The following KCTD16 variants were observed in gnomAD, a reference collection of about 807,000 sequenced individuals.
KCTD16 encodes BTB/POZ domain-containing protein KCTD16.
Under a neutral mutation model 33.2 loss-of-function variants are expected in KCTD16, and 13 were observed. That is an observed-to-expected ratio of 0.39 (90% CI 0.25 to 0.62). KCTD16 has a LOEUF of 0.62. Among genes scored for constraint, KCTD16 ranks in the 20% least tolerant of loss-of-function variants. The probability of loss-of-function intolerance (pLI) is 0.50; values close to 1 mark genes in which losing one functional copy is unlikely to be tolerated. For missense variants in KCTD16, 441 were observed against 525.1 expected (o/e 0.84, Z 1.57); for synonymous variants, 197 against 195.3 (o/e 1.01, Z -0.07).
chr5:144,218,510 G>T (rs1214552675), intron 3 of KCTD16, among the ~76,000 whole-genome samples: 2 of 152,028 alleles, frequency 1.3e-5, no homozygotes, highest in African/African-American at 4.8e-5. Context: ...CTGTGCAAAT[G>T]ATATTATTAA....
At chr5:144,443,797 A>G (rs1753762387) in intron 3 of KCTD16, among the ~76,000 whole-genome samples, 1 of 151,894 alleles carries the variant, frequency 6.6e-6, no homozygotes, top group African/African-American at 2.4e-5. Flanking sequence ...TTATTTTTTG[A>G]GGATCTATAG....
chr5:144,208,707 G>T (rs1005785780), intron 3 of KCTD16, among the ~76,000 whole-genome samples: 4 of 152,154 alleles, frequency 2.6e-5, no homozygotes, highest in African/African-American at 9.7e-5. Flanking sequence ...ATGGTGCCGG[G>T]AACCTTGGTA....
chr5:144,433,395 G>A (rs553823080), intron 3 of KCTD16, among the ~76,000 whole-genome samples: 19 of 152,196 alleles, frequency 1.2e-4, no homozygotes, highest in East Asian at 1.2e-3. Context: ...CTCCCCTTAA[G>A]ACAATTGCTA....
intron 3 of KCTD16, among the ~76,000 whole-genome samples, chr5:144,441,534 G>C (rs1753707878): frequency 6.6e-6 from 1 of 151,980 alleles, no homozygotes; most frequent in Non-Finnish European, 1.5e-5. Flanking sequence ...TCATTCTTAT[G>C]CATGTGGATA....
intron 3 of KCTD16, among the ~76,000 whole-genome samples, chr5:144,267,827 C>G (rs1755188071): frequency 6.6e-6 from 1 of 151,942 alleles, no homozygotes; most frequent in Admixed American, 6.6e-5. Flanking sequence ...TCACTTTATA[C>G]AAAAGCACCA....
At chr5:144,294,794 G>A (rs868548374) in intron 3 of KCTD16, among the ~76,000 whole-genome samples, 9 of 152,062 alleles carry the variant, frequency 5.9e-5, no homozygotes, top group African/African-American at 2.2e-4. Flanking sequence ...ATCAGTAACG[G>A]TTGTCCCTTC....
chr5:144,187,187 A>G (rs1048494982), intron 2 of KCTD16, among the ~76,000 whole-genome samples: 1 of 152,112 alleles, frequency 6.6e-6, no homozygotes, highest in African/African-American at 2.4e-5. Context: ...TTTCCAGATT[A>G]TTAGCTACAG....
At chr5:144,332,871 G>T (rs1752393025) in intron 3 of KCTD16, among the ~76,000 whole-genome samples, 1 of 152,152 alleles carries the variant, frequency 6.6e-6, no homozygotes, top group African/African-American at 2.4e-5. Flanking sequence ...AGCTGGGAAG[G>T]CCTCATAATC....
At chr5:144,387,138 ATT>A (rs377558036) in intron 3 of KCTD16, among the ~76,000 whole-genome samples, 1,598 of 116,140 alleles carry the variant, frequency 0.014, 28 homozygotes, top group African/African-American at 0.05. Flanking sequence ...GGCTAATTTA[ATT>A]TTTTTTTTTT....
intron 3 of KCTD16, among the ~76,000 whole-genome samples, chr5:144,296,894 C>T (rs1756052822): frequency 6.6e-6 from 1 of 152,156 alleles, no homozygotes; most frequent in Admixed American, 6.5e-5. Context: ...AGAAGAAAAT[C>T]TACATATGTG....
chr5:144,210,187 C>T (rs1019588787), intron 3 of KCTD16, among the ~76,000 whole-genome samples: 4 of 151,986 alleles, frequency 2.6e-5, no homozygotes, highest in African/African-American at 9.7e-5. Context: ...ATTCTTACCT[C>T]ATTTAAATTT....
At chr5:144,182,187 C>A (rs1179268180) in intron 2 of KCTD16, among the ~76,000 whole-genome samples, 2 of 152,062 alleles carry the variant, frequency 1.3e-5, no homozygotes, top group Non-Finnish European at 2.9e-5. Flanking sequence ...GAGTGGGCTC[C>A]TAATAAGGTT....
intron 3 of KCTD16, among the ~76,000 whole-genome samples, chr5:144,340,662 C>G (rs1481372171): frequency 6.6e-6 from 1 of 151,962 alleles, no homozygotes; most frequent in Non-Finnish European, 1.5e-5. Flanking sequence ...GATTAGTGTC[C>G]TTATTAGAAA....
intron 3 of KCTD16, among the ~76,000 whole-genome samples, chr5:144,245,857 C>T (rs1754535648): frequency 6.6e-6 from 1 of 152,212 alleles, no homozygotes; most frequent in Admixed American, 6.5e-5. Flanking sequence ...GCAAATGCTG[C>T]CATGCTTCCT....
Position 144,206,500 on chromosome 5 carries a change from C to A in KCTD16, c.-215C>A. 2.0e-6 allele frequency: 1 copy of A among 503,290 alleles called. No individual in the cohort carries two copies. The highest frequency in any genetic ancestry group is 3.5e-6 in the Non-Finnish European group (1 of 286,554). The allele number at this position is 503,290 out of a possible 1,614,324, so 31.2% of individuals were successfully genotyped here. On this transcript the variant is annotated 5_prime_UTR_variant, in exon 3 of 4. Coordinates refer to ENST00000512467, the MANE Select transcript of KCTD16 (RefSeq NM_020768.4). ...TGAAGTAGCAGCTCACTACCATCCA[C>A]CATCCAGGGTTTAAACTACTTTTTC...
chr5:144,388,308 A>G (rs372828897), intron 3 of KCTD16, among the ~76,000 whole-genome samples: 4 of 151,662 alleles, frequency 2.6e-5, no homozygotes, highest in South Asian at 2.1e-4. Context: ...GTCTCGATCT[A>G]CTGACCTCGT....
chr5:144,223,829 G>A (rs1016301473), intron 3 of KCTD16, among the ~76,000 whole-genome samples: 14 of 152,062 alleles, frequency 9.2e-5, no homozygotes, highest in Admixed American at 2.0e-4. Flanking sequence ...TTTTAAAGTG[G>A]TGCTGTTTGG....
chr5:144,182,780 AAGAC>A (rs897992792), intron 2 of KCTD16, among the ~76,000 whole-genome samples: 6 of 151,628 alleles, frequency 4.0e-5, no homozygotes, highest in East Asian at 1.9e-4. Flanking sequence ...GAGAGAGAGA[AAGAC>A]AGACAGAGAC....
intron 3 of KCTD16, among the ~76,000 whole-genome samples, chr5:144,240,362 T>A (rs1314955134): frequency 6.6e-6 from 1 of 152,142 alleles, no homozygotes; most frequent in African/African-American, 2.4e-5. Context: ...TTCCTTTCTT[T>A]CTTCATTTCA....
Sources: gnomAD v4.1 joint callset for allele counts (sites outside exome capture counted in the v4.1 genomes callset) on GRCh38, gnomAD v4.1.1 for gene constraint, MANE v1.5 for transcripts, NCBI Gene and HGNC (gene_info 2026-07-23, HGNC 2026-07-21) for gene names.